AMY2B: variants seen among roughly 807,000 people sequenced by gnomAD.
The protein encoded by AMY2B is amylase alpha 2B.
AMY2B carries 63 observed loss-of-function variants against 59.3 expected under a neutral mutation model. The observed-to-expected ratio is 1.06, with a 90% CI of 0.87 to 1.31. The LOEUF (loss-of-function observed/expected upper bound fraction) is 1.31. AMY2B is among the 50% of genes most tolerant of loss of function. The pLI is 0.00. For synonymous variants in AMY2B, 180 were observed against 198.1 expected, an observed-to-expected ratio of 0.91 and a Z score of 0.77; for missense variants, 635 against 626.7, an observed-to-expected ratio of 1.01 and a Z score of -0.14.
Position 103,571,608 on chromosome 1 carries a change from G to A in AMY2B, c.6G>A (p.Lys2=). Residue 2 remains lysine (K), a synonymous_variant, in exon 1 of 10, where the codon AAG becomes AAA. Transcript: ENST00000684275. ...ACTGACAACTTCAAAGCAAAATGAA[G>A]TTCTTTCTGTTGCTTTTCACCATTG... M[K]FFLLLFTIGF... is the part of the protein sequence containing the mutation. The A allele has an allele frequency of 1.9e-6, 3 of 1,611,112 alleles. No individual in the cohort carries two copies. The highest frequency in any genetic ancestry group is 4.5e-5 in the East Asian group (2 of 44,830).
At chr1:103,566,310 C>CTAAT (rs1651910799) in intron 2 of AMY2B, among the ~76,000 whole-genome samples, 1 of 152,068 alleles carries the variant, frequency 6.6e-6, no homozygotes, top group African/African-American at 2.4e-5. Context: ...ATGGACATAT[C>CTAAT]CCTTCTCTAA....
chr1:103,577,505 G>C lies in AMY2B; in HGVS notation c.1117G>C (p.Val373Leu). ...FQNGNDVNDW[V>L]GPPNNNGVIK... ...CCTAATTAAGGATGTTAATGATTGG[G>C]TTGGGCCACCAAATAATAATGGAGT... Residue 373 changes from valine (V) to leucine (L), a missense_variant, in exon 8 of 10, where the codon GTT (valine) becomes CTT (leucine). Physicochemically the swap from Val to Leu is conservative, Grantham distance 32. Transcript: ENST00000684275. The C allele has an allele frequency of 6.2e-7, 1 of 1,611,872 alleles. No individual in the cohort carries two copies. The highest frequency in any genetic ancestry group is 1.1e-5 in the South Asian group (1 of 90,986).
chr1:103,570,814 G>C (rs147998703), upstream of AMY2B: 10 of 441,814 alleles, frequency 2.3e-5, no homozygotes, highest in East Asian at 6.7e-4. Context: ...TTTAAAGCTT[G>C]TATCTGATAT....
At chr1:103,556,087 A>G (rs1218570723) in intron 1 of AMY2B, among the ~76,000 whole-genome samples, 1 of 152,170 alleles carries the variant, frequency 6.6e-6, no homozygotes, top group Non-Finnish European at 1.5e-5. Flanking sequence ...GAAATAGGAA[A>G]CAAGGTCATA....
chr1:103,573,433 A>T (rs1405068542), intron 3 of AMY2B, among the ~76,000 whole-genome samples, 173 bp downstream of exon 3: 3 of 152,148 alleles, frequency 2.0e-5, no homozygotes, highest in Non-Finnish European at 4.4e-5. Flanking sequence ...TTAAATATAG[A>T]TTTAAGATTT....
At chr1:103,561,334 C>G (rs1651727172) in intron 1 of AMY2B, among the ~76,000 whole-genome samples, 1 of 152,096 alleles carries the variant, frequency 6.6e-6, no homozygotes, top group African/African-American at 2.4e-5. Context: ...GTGGCGCAGT[C>G]TCGGCTCACT....
At position 103,579,447 on chromosome 1, in the gene AMY2B, A is replaced by T; in HGVS notation, c.1483A>T (p.Ser495Cys). ...CGATGGCAAAGCTCATTTTTCTATT[A>T]GTAACTCTGCTGAGGATCCATTTAT... ...SDDGKAHFSISNSAEDPFIAI... is the reference protein window; with the variant it reads ...SDDGKAHFSICNSAEDPFIAI... The change falls in exon 10 of 10, where the codon AGT becomes TGT. Residue 495 changes from serine (S) to cysteine (C), a missense_variant. Transcript: ENST00000684275. The T allele has an allele frequency of 6.2e-7, 1 of 1,611,754 alleles. No individual in the cohort carries two copies. Among genetic ancestry groups the T allele is most frequent in the Non-Finnish European group, 8.5e-7 (1 of 1,179,684 alleles).
chr1:103,571,880 C>G lies in AMY2B; in HGVS notation c.168+110C>G, dbSNP rs371809925. On this transcript the variant is annotated intron_variant, in intron 1 of 9. Transcript: ENST00000684275. ...ACATTTTACTTCACAGGTAAGTATT[C>G]TAAGTAAGAGTTTTCTGAGGAAAAA... 31 of 1,601,554 alleles carry G rather than the reference C, an allele frequency of 1.9e-5. 1 individual carries two copies. Among genetic ancestry groups the G allele is most frequent in the East Asian group, 1.1e-4 (5 of 44,756 alleles).
In AMY2B at chr1:103,571,688, T is replaced by C. The variant is rs746296699; in HGVS notation, c.86T>C (p.Val29Ala). The C allele has an allele frequency of 1.2e-5, 19 of 1,611,968 alleles. No individual in the cohort carries two copies. In the Admixed American group the frequency reaches 2.0e-4, roughly 17 times the overall value. The change falls in exon 1 of 10, where the codon GTT becomes GCT. Residue 29 changes from valine (V) to alanine (A), a missense_variant. Transcript: ENST00000684275. ...PNTQQGRTSI[V>A]HLFEWRWVDI... ...ACACAACAAGGACGGACATCTATTG[T>C]TCATCTGTTTGAATGGCGATGGGTT... is the stretch of plus-strand genomic sequence containing the variant.
At chr1:103,564,484 G>A (rs1218674992) in intron 1 of AMY2B, among the ~76,000 whole-genome samples, 2 of 151,912 alleles carry the variant, frequency 1.3e-5, no homozygotes, top group Non-Finnish European at 2.9e-5. Context: ...AAATCATCTC[G>A]GGTAATAAAA....
chr1:103,572,104 T>G lies in AMY2B; in HGVS notation c.169-6T>G. The G allele has an allele frequency of 6.2e-7, 1 of 1,611,666 alleles. No homozygotes were observed. The highest frequency in any genetic ancestry group is 8.5e-7 in the Non-Finnish European group (1 of 1,179,654). On this transcript the variant is annotated splice_polypyrimidine_tract_variant and splice_region_variant and intron_variant, in intron 1 of 9. Coordinates refer to ENST00000684275, the MANE Select transcript of AMY2B (RefSeq NM_001387437.1). ...TTGGTAGTTATGAAGACTGTTTAAT[T>G]TGTAGGTCTCTCCACCAAATGAAAA...
In AMY2B at chr1:103,563,697, CT is replaced by C. The variant is rs369692882; in HGVS notation, c.-206-1729del. On this transcript the variant is annotated intron_variant, in intron 1 of 11. Coordinates refer to the AMY2B transcript ENST00000361355. ...CCTAAATTATATCTGCAAATTATCC[CT>C]TTTTTTTTACCAACATTCCAAATGC... Among the ~76,000 whole-genome samples the C allele has an allele frequency of 9.3e-3, 1,405 of 151,100 alleles. 22 individuals carry two copies. Among genetic ancestry groups the C allele is most frequent in the African/African-American group, 0.032 (1,334 of 41,234 alleles).
rs1570652603 is a variant in AMY2B, at chr1:103,579,365, C to T, written c.1401C>T (p.Val467=). Residue 467 remains valine (V), a synonymous_variant, in exon 10 of 10, where the codon GTC becomes GTT. Transcript: ENST00000684275. The stretch of plus-strand genomic sequence containing the variant: ...TTCCTGCTGGCACATACTGTGATGT[C>T]ATTTCTGGAGATAAAATTAATGGCA... ...TGLPAGTYCD[V]ISGDKINGNC... is the part of the protein sequence containing the mutation. The T allele has an allele frequency of 1.2e-6, 2 of 1,611,740 alleles. No homozygotes were observed. Among genetic ancestry groups the T allele is most frequent in the Admixed American group, 3.3e-5 (2 of 59,994 alleles).
At position 103,572,095 on chromosome 1, in the gene AMY2B, C is replaced by T. The variant is rs1652158120; in HGVS notation, c.169-15C>T. The stretch of plus-strand genomic sequence containing the variant: ...AGTAAGAATTTGGTAGTTATGAAGA[C>T]TGTTTAATTTGTAGGTCTCTCCACC... On this transcript the variant is annotated splice_polypyrimidine_tract_variant and intron_variant, in intron 1 of 9. Transcript: ENST00000684275. 1.2e-6 allele frequency: 2 copies of T among 1,611,578 alleles called. No homozygotes were observed. Among genetic ancestry groups the T allele is most frequent in the Non-Finnish European group, 1.7e-6 (2 of 1,179,646 alleles).
At chr1:103,569,656 C>T (rs536493601), upstream of AMY2B, 121 of 387,722 alleles carry the variant, frequency 3.1e-4, no homozygotes, top group Admixed American at 8.3e-4. Flanking sequence ...CTTCCATCAT[C>T]GGTGCCCCCG....
chr1:103,556,822 C>G (rs1348598539), intron 1 of AMY2B, among the ~76,000 whole-genome samples: 2 of 152,124 alleles, frequency 1.3e-5, no homozygotes, highest in East Asian at 3.9e-4. Flanking sequence ...ATTATTTTAT[C>G]TTTACTACCC....
chr1:103,570,759 T>C (rs1279037804), upstream of AMY2B: 1 of 494,144 alleles, frequency 2.0e-6, no homozygotes, highest in Non-Finnish European at 4.1e-6. Context: ...ATACACCTCA[T>C]GCTAGCCTCA....
upstream of AMY2B, chr1:103,569,294 C>A (rs1479255173): frequency 2.6e-5 from 4 of 153,818 alleles, no homozygotes; most frequent in Non-Finnish European, 5.8e-5. Flanking sequence ...TACACACACA[C>A]ACATAAGGAC....
At chr1:103,571,158 T>C, upstream of AMY2B, 1 of 938,370 alleles carries the variant, frequency 1.1e-6, no homozygotes, top group Non-Finnish European at 1.3e-6. Context: ...TCTTAGCTTC[T>C]GTTGTCTGCC....
Sources: gnomAD v4.1 joint callset for allele counts (sites outside exome capture counted in the v4.1 genomes callset) on GRCh38, gnomAD v4.1.1 for gene constraint, MANE v1.5 for transcripts, NCBI Gene and HGNC (gene_info 2026-07-23, HGNC 2026-07-21) for gene names.